Variants in ZHX3 observed in about 807,000 individuals in gnomAD.
The protein encoded by ZHX3 is zinc fingers and homeoboxes protein 3.
A neutral mutation model predicts 64.5 loss-of-function variants in ZHX3; 20 were observed. That is an observed-to-expected ratio of 0.31 (90% CI 0.22 to 0.45). The LOEUF (loss-of-function observed/expected upper bound fraction) is 0.45. ZHX3 is among the 20% of genes least tolerant of loss of function. The pLI, the probability that ZHX3 is intolerant of heterozygous loss-of-function variation, is 1.00. For missense variants in ZHX3, 1,041 were observed against 1,195.8 expected (o/e 0.87, Z 1.91); for synonymous variants, 423 against 461.6 (o/e 0.92, Z 1.07).
chr20:41,220,151 G>A (rs538376372), intron 2 of ZHX3, among the ~76,000 whole-genome samples: 2 of 152,346 alleles, frequency 1.3e-5, no homozygotes, highest in East Asian at 3.9e-4. Flanking sequence ...GTGGAAGCAT[G>A]CACAAAGTTC....
At chr20:41,230,236 T>C (rs1003699220) in intron 2 of ZHX3, among the ~76,000 whole-genome samples, 4 of 152,176 alleles carry the variant, frequency 2.6e-5, no homozygotes, top group African/African-American at 9.7e-5. Flanking sequence ...AGGACACTTA[T>C]CACGTATTGG....
At chr20:41,208,284 C>A (rs2038887687) in intron 2 of ZHX3, among the ~76,000 whole-genome samples, 1 of 152,204 alleles carries the variant, frequency 6.6e-6, no homozygotes, top group Admixed American at 6.5e-5. Flanking sequence ...TGGTACTATT[C>A]CTTCTGAAAC....
At chr20:41,238,466 T>C (rs2041159042) in intron 2 of ZHX3, among the ~76,000 whole-genome samples, 2 of 152,120 alleles carry the variant, frequency 1.3e-5, no homozygotes. Context: ...TGGAAACATC[T>C]ATCTAAGCAA....
chr20:41,264,304 G>T (rs997039818), intron 2 of ZHX3, among the ~76,000 whole-genome samples: 2 of 150,440 alleles, frequency 1.3e-5, no homozygotes, highest in Admixed American at 6.6e-5. Context: ...CACTGTGGGA[G>T]GCCGAGGCGG....
chr20:41,300,454 T>C (rs1021316604), intron 1 of ZHX3, among the ~76,000 whole-genome samples: 3 of 152,206 alleles, frequency 2.0e-5, no homozygotes, highest in African/African-American at 7.2e-5. Context: ...CATTATAAAG[T>C]GTGGCTTTCA....
rs1225194232 is a variant in ZHX3 at position 41,219,988 on chromosome 20, T to C, written c.-150-14922A>G. Among the ~76,000 whole-genome samples, 2 of 152,268 alleles carry C rather than the reference T, an allele frequency of 1.3e-5. No individual in the cohort carries two copies. Among genetic ancestry groups the C allele is most frequent in the Non-Finnish European group, 2.9e-5 (2 of 68,050 alleles). On this transcript the variant is annotated intron_variant, in intron 2 of 3. Coordinates refer to ENST00000683867, the MANE Select transcript of ZHX3 (RefSeq NM_001384317.1). This position sits in a 1 kb window ranked among gnomAD's most constrained non-coding sequence, Gnocchi z 5.0. The stretch of plus-strand genomic sequence containing the variant: ...GAACAAGAAATAACCTTTGTCACTT[T>C]AAGCTACTGAGGTTTTTGGAGTAGC...
chr20:41,256,113 G>T lies in ZHX3; in HGVS notation c.-151+12877C>A, dbSNP rs183595655. Among the ~76,000 whole-genome samples, 393 of 152,266 alleles carry T rather than the reference G, an allele frequency of 2.6e-3. 6 individuals are homozygous for T. The highest frequency in any genetic ancestry group is 4.6e-3 in the Admixed American group (70 of 15,302). Reference sequence around the variant, plus strand: ...AATTTATTTTTACATTTAACTTCAAGGGAAAAATAAAAAGCAAACTTATTT... The same window carrying T: ...AATTTATTTTTACATTTAACTTCAATGGAAAAATAAAAAGCAAACTTATTT... On this transcript the variant is annotated intron_variant, in intron 2 of 3. Transcript: ENST00000683867.
chr20:41,271,913 G>C (rs2043167188), intron 1 of ZHX3: 1 of 152,066 alleles, frequency 6.6e-6, no homozygotes, highest in African/African-American at 2.4e-5. Flanking sequence ...AAAATCTCTA[G>C]GAGTGTAGCT....
Position 41,178,920 on chromosome 20 carries a change from T to G in ZHX3, c.*6271A>C, listed in dbSNP as rs1427049215. ...GCCTCTTACTTGTTTAGCACCAAGA[T>G]GATCACCTTTTCAGCCATCTCTCCT... On this transcript the variant is annotated 3_prime_UTR_variant, in exon 4 of 4. Transcript: ENST00000683867. 3.9e-5 allele frequency: 6 copies of G among 152,656 alleles called. No individual in the cohort carries two copies. The highest frequency in any genetic ancestry group is 5.9e-5 in the Non-Finnish European group (4 of 68,052). The allele number at this position is 152,656 out of a possible 1,614,324, so 9.5% of individuals were successfully genotyped here. A position where few individuals can be genotyped will look rare whatever the true frequency, so the allele number is the denominator to read the frequency against.
intron 1 of ZHX3, among the ~76,000 whole-genome samples, chr20:41,283,407 C>T (rs1476683804): frequency 2.0e-5 from 3 of 152,178 alleles, no homozygotes; most frequent in East Asian, 1.9e-4. Flanking sequence ...CAAGGTCACA[C>T]ACCACTAAGG....
chr20:41,215,806 G>C (rs957953390), intron 2 of ZHX3, among the ~76,000 whole-genome samples: 8 of 147,334 alleles, frequency 5.4e-5, no homozygotes, highest in African/African-American at 2.0e-4. Context: ...AAAAAAATTA[G>C]CTGGGCATTA....
Position 41,203,099 on chromosome 20 carries a change from GT to G in ZHX3, c.1817del (p.His606ProfsTer40). ...THPSAKRQSW[H>X]QTPDFTPTKY... ...TGGTTGGTGTGAAGTCAGGAGTCTGGTGCCAAGATTGTCGTTTGGCAGAAGG... is the reference window on the plus strand; with the variant it reads ...TGGTTGGTGTGAAGTCAGGAGTCTGGGCCAAGATTGTCGTTTGGCAGAAGG... On this transcript the variant is annotated frameshift_variant, in exon 3 of 4. Transcript: ENST00000683867. LOFTEE classifies it high-confidence loss of function. The surrounding 1 kb of genome is among the most constrained non-coding windows in gnomAD (Gnocchi z 7.1). The G allele has an allele frequency of 6.2e-7, 1 of 1,614,140 alleles. No individual in the cohort carries two copies. Among genetic ancestry groups the G allele is most frequent in the Non-Finnish European group, 8.5e-7 (1 of 1,180,034 alleles).
chr20:41,217,431 G>A (rs962704771), intron 2 of ZHX3, among the ~76,000 whole-genome samples: 6 of 151,868 alleles, frequency 4.0e-5, no homozygotes, highest in South Asian at 4.2e-4. Flanking sequence ...TTAAAAGCTC[G>A]AGACATATTT....
intron 2 of ZHX3, among the ~76,000 whole-genome samples, chr20:41,206,605 A>G (rs1010374588): frequency 1.3e-5 from 2 of 152,220 alleles, no homozygotes; most frequent in Admixed American, 1.3e-4. Context: ...GAGAGAAAAG[A>G]GAAAAAAGAA....
At chr20:41,233,257 G>A (rs2040747281) in intron 2 of ZHX3, among the ~76,000 whole-genome samples, 1 of 152,184 alleles carries the variant, frequency 6.6e-6, no homozygotes, top group African/African-American at 2.4e-5. Flanking sequence ...ACACCTAAAT[G>A]GGGGTGTTCC....
Position 41,195,207 on chromosome 20 carries a change from C to A in ZHX3, c.2860+6850G>T, listed in dbSNP as rs1472065388. On this transcript the variant is annotated intron_variant, in intron 3 of 3. Coordinates refer to ENST00000683867, the MANE Select transcript of ZHX3 (RefSeq NM_001384317.1). This position sits in a 1 kb window ranked among gnomAD's most constrained non-coding sequence, Gnocchi z 4.2. ...AAGTATAGCTCACTATAACCTCAAA[C>A]TCCTGGTAAACAATCCTCCCACCCC... is the stretch of plus-strand genomic sequence containing the variant. 6.6e-6 allele frequency among the ~76,000 whole-genome samples: 1 copy of A among 152,168 alleles called. No homozygotes were observed. The highest frequency in any genetic ancestry group is 1.5e-5 in the Non-Finnish European group (1 of 68,028).
At chr20:41,188,584 A>T (rs2036737372) in intron 3 of ZHX3, 1 of 152,050 alleles carries the variant, frequency 6.6e-6, no homozygotes, top group African/African-American at 2.4e-5. Context: ...TAATTTTTGT[A>T]GAGATGGGGT....
At chr20:41,191,829 A>C (rs953712033) in intron 3 of ZHX3, among the ~76,000 whole-genome samples, 2 of 152,196 alleles carry the variant, frequency 1.3e-5, no homozygotes, top group Non-Finnish European at 2.9e-5. Flanking sequence ...AGCTATGGTA[A>C]AATTTTGCTA....
Position 41,202,668 on chromosome 20 carries a change from T to A in ZHX3, c.2249A>T (p.Asp750Val), listed in dbSNP as rs147861291. The change falls in exon 3 of 4, where the codon GAC (aspartate) becomes GTC (valine). Residue 750 changes from aspartate (D) to valine (V), a missense_variant. Asp to Val is a radical substitution (Grantham distance 152). Around this residue, in one of 4 missense-constraint regions of ZHX3, gnomAD observed 649 missense variants for 739.8 expected, o/e 0.88. Coordinates refer to ENST00000683867, the MANE Select transcript of ZHX3 (RefSeq NM_001384317.1). This position sits in a 1 kb window ranked among gnomAD's most constrained non-coding sequence, Gnocchi z 7.0. ...TTTGTTTGACTCATCATCCTCAGGG[T>A]CACAGGCACCCAGCCCTGGAATCTC... ...RNEIPGLGAC[D>V]PEDDESNKLA... 711 of 1,614,118 alleles carry A rather than the reference T, an allele frequency of 4.4e-4. No individual in the cohort carries two copies. The African/African-American group carries it at 8.6e-3, about 19-fold the overall frequency.
Sources: gnomAD v4.1 joint callset for allele counts (sites outside exome capture counted in the v4.1 genomes callset) on GRCh38, gnomAD v4.1.1 for gene constraint, gnomAD v4.1.1 regional missense constraint, Gnocchi (gnomAD v3.1) non-coding constraint, MANE v1.5 for transcripts, NCBI Gene and HGNC (gene_info 2026-07-23, HGNC 2026-07-21) for gene names.